Variants in SLC4A7 observed in about 807,000 individuals in gnomAD.
The protein encoded by SLC4A7 is solute carrier family 4 member 7, also known as sodium bicarbonate cotransporter 3.
Under a neutral mutation model 137.6 loss-of-function variants are expected in SLC4A7, and 51 were observed. That is an observed-to-expected ratio of 0.37 (90% confidence interval 0.30 to 0.47). The LOEUF is 0.47. Among genes scored for constraint, SLC4A7 ranks in the 20% least tolerant of loss-of-function variants. The pLI is 1.00. For missense variants in SLC4A7, 1,247 were observed against 1,525.4 expected (o/e 0.82, Z 3.04); for synonymous variants, 542 against 518.6 (o/e 1.05, Z -0.61).
chr3:27,417,426 T>C (rs1375774852), intron 11 of SLC4A7, among the ~76,000 whole-genome samples: 1 of 152,170 alleles, frequency 6.6e-6, no homozygotes, highest in Non-Finnish European at 1.5e-5. Context: ...ATCAGGAATA[T>C]TCAACCTCAC....
chr3:27,448,373 C>T (rs2057828095), intron 3 of SLC4A7, among the ~76,000 whole-genome samples: 2 of 151,804 alleles, frequency 1.3e-5, no homozygotes, highest in African/African-American at 4.8e-5. Flanking sequence ...CTAGGCATAA[C>T]TTTTACAATT....
At chr3:27,395,970 C>G (rs1181788827) in intron 18 of SLC4A7, among the ~76,000 whole-genome samples, 2 of 152,044 alleles carry the variant, frequency 1.3e-5, no homozygotes, top group Admixed American at 6.6e-5. Context: ...AAATCTGGCA[C>G]TTTATGAGAT....
chr3:27,430,686 C>G (rs961443627), intron 7 of SLC4A7, among the ~76,000 whole-genome samples: 1 of 150,930 alleles, frequency 6.6e-6, no homozygotes, highest in Non-Finnish European at 1.5e-5. Flanking sequence ...AAAAAATTAG[C>G]CAGACGTGGT....
rs766023053 is a variant in SLC4A7, at chr3:27,448,611, A to T, written c.289+40T>A. ...AAAAGAAAATACTTTCCAGGAAAAT[A>T]GGAACTTTAAACTGCTAAAGAAGAA... On this transcript the variant is annotated intron_variant, in intron 3 of 25. Coordinates refer to ENST00000454389, the MANE Select transcript of SLC4A7 (RefSeq NM_001321103.2). 5.2e-6 allele frequency: 8 copies of T among 1,539,558 alleles called. No homozygotes were observed. In the Admixed American group the frequency reaches 1.5e-4, roughly 28 times the overall value.
At chr3:27,470,731 A>G (rs994185285) in intron 1 of SLC4A7, among the ~76,000 whole-genome samples, 1 of 151,792 alleles carries the variant, frequency 6.6e-6, no homozygotes, top group African/African-American at 2.4e-5. Flanking sequence ...TCACAAGGTC[A>G]GGAGAATGAG....
chr3:27,379,259 A>C lies in SLC4A7; in HGVS notation c.3688T>G (p.Ser1230Ala). 2 of 1,527,110 alleles carry C rather than the reference A, an allele frequency of 1.3e-6. No homozygotes were observed. The highest frequency in any genetic ancestry group is 1.8e-6 in the Non-Finnish European group (2 of 1,138,698). The allele number at this position is 1,527,110 out of a possible 1,614,324, so 94.6% of individuals were successfully genotyped here. A position where few individuals can be genotyped will look rare whatever the true frequency, so the allele number is the denominator to read the frequency against. ...MNTENAKVTR[S>A]NMSPDKPVSV... Reference sequence around the variant, plus strand: ...AATAGTTATAACTACCTCATGTTAGATCTGGTTACTTTGGCATTCTCAGTA... The same window carrying C: ...AATAGTTATAACTACCTCATGTTAGCTCTGGTTACTTTGGCATTCTCAGTA... Residue 1230 changes from serine (S) to alanine (A), a missense_variant, in exon 25 of 26, where the codon TCT becomes GCT. Ser to Ala is a moderately conservative substitution (Grantham distance 99). Transcript: ENST00000454389.
intron 1 of SLC4A7, among the ~76,000 whole-genome samples, chr3:27,465,300 A>G (rs2058925864): frequency 6.6e-6 from 1 of 151,680 alleles, no homozygotes. Flanking sequence ...AAAAAAAAAA[A>G]AAAAAAAAAC....
At chr3:27,389,476 A>G (rs1276039115) in intron 22 of SLC4A7, among the ~76,000 whole-genome samples, 2 of 152,186 alleles carry the variant, frequency 1.3e-5, no homozygotes, top group Admixed American at 1.3e-4. Context: ...CTCTATTTGT[A>G]AAATGCAATA....
intron 3 of SLC4A7, among the ~76,000 whole-genome samples, chr3:27,447,077 G>A (rs1486938967): frequency 2.7e-5 from 4 of 148,688 alleles, no homozygotes; most frequent in East Asian, 4.0e-4. Flanking sequence ...CAGTAGAGAC[G>A]GGGTTTCACC....
rs554611717 is a variant in SLC4A7 at position 27,448,178 on chromosome 3, C to T, written c.289+473G>A. On this transcript the variant is annotated intron_variant, in intron 3 of 25. Transcript: ENST00000454389. Reference sequence around the variant, plus strand: ...AGTGAGCCGAGATCGTACCACTGCACTCCAGCCCAGCCGGGGTGACAGAGT... The same window carrying T: ...AGTGAGCCGAGATCGTACCACTGCATTCCAGCCCAGCCGGGGTGACAGAGT... Among the ~76,000 whole-genome samples, 3 of 148,404 alleles carry T rather than the reference C, an allele frequency of 2.0e-5. No individual in the cohort carries two copies. The East Asian group carries it at 6.0e-4, about 30-fold the overall frequency.
At chr3:27,386,118 G>T in intron 22 of SLC4A7, 95 bp from the exon 23 acceptor site, 1 of 928,108 alleles carries the variant, frequency 1.1e-6, no homozygotes, top group Non-Finnish European at 1.6e-6. Flanking sequence ...TATAAAAAAT[G>T]CTTCATATAG....
At chr3:27,480,654 A>G (rs2059670194) in intron 1 of SLC4A7, among the ~76,000 whole-genome samples, 1 of 152,190 alleles carries the variant, frequency 6.6e-6, no homozygotes, top group Admixed American at 6.6e-5. Flanking sequence ...GTGCCACATC[A>G]ATACCTAGTA....
chr3:27,423,977 T>C, intron 8 of SLC4A7, 60 bp downstream of exon 8: 1 of 1,020,818 alleles, frequency 9.8e-7, no homozygotes, highest in South Asian at 1.4e-5. Flanking sequence ...TAGCCACAAA[T>C]TACTACTTAT....
At chr3:27,411,820 G>A (rs753423701) in intron 11 of SLC4A7, 72 bp from the exon 12 acceptor site, 20 of 608,030 alleles carry the variant, frequency 3.3e-5, no homozygotes, top group Non-Finnish European at 3.9e-5. Context: ...TTCAATTAGA[G>A]TGAATATCAG....
At chr3:27,457,428 A>G (rs1368672455) in intron 1 of SLC4A7, among the ~76,000 whole-genome samples, 1 of 152,150 alleles carries the variant, frequency 6.6e-6, no homozygotes, top group South Asian at 2.1e-4. Context: ...ATCTGATGTG[A>G]TCTGCCCTTG....
chr3:27,468,860 C>T (rs1034546350), intron 1 of SLC4A7, among the ~76,000 whole-genome samples: 7 of 152,048 alleles, frequency 4.6e-5, no homozygotes, highest in African/African-American at 1.7e-4. Flanking sequence ...ATAATCCTAG[C>T]ATTTTGGGAG....
chr3:27,389,851 A>G (rs2051350769), intron 22 of SLC4A7, 80 bp downstream of exon 22: 2 of 1,097,404 alleles, frequency 1.8e-6, no homozygotes, highest in Non-Finnish European at 2.6e-6. Context: ...CTTTTTCTCA[A>G]AATCAATTAT....
At chr3:27,428,278 A>G (rs1160621599) in intron 7 of SLC4A7, 1 of 154,352 alleles carries the variant, frequency 6.5e-6, no homozygotes, top group Non-Finnish European at 1.5e-5. Flanking sequence ...CTGAGTTCAA[A>G]TCCCTGCTCT....
At chr3:27,406,595 A>G (rs2053383248) in intron 13 of SLC4A7, among the ~76,000 whole-genome samples, 1 of 152,190 alleles carries the variant, frequency 6.6e-6, no homozygotes, top group Admixed American at 6.5e-5. Context: ...CAATTACAAT[A>G]AGCATATTTA....
Sources: allele counts gnomAD v4.1 joint callset (sites outside exome capture counted in the v4.1 genomes callset), GRCh38; gene constraint gnomAD v4.1.1; transcripts MANE v1.5; gene names NCBI Gene and HGNC (gene_info 2026-07-23, HGNC 2026-07-21).